Variants in CNTNAP2 observed in about 807,000 individuals in gnomAD.
The protein encoded by CNTNAP2 is contactin associated protein 2, also known as contactin-associated protein-like 2.
Under a neutral mutation model 155.2 loss-of-function variants are expected in CNTNAP2, and 98 were observed. The ratio of observed to expected loss-of-function variants is 0.63; its 90% CI spans 0.54 to 0.75. The LOEUF is 0.75. Among genes scored for constraint, CNTNAP2 ranks in the 30% least tolerant of loss-of-function variants. The probability of loss-of-function intolerance (pLI) is 0.00; values close to 1 mark genes in which losing one functional copy is unlikely to be tolerated. For missense variants in CNTNAP2, 1,727 were observed against 1,688.1 expected (o/e 1.02, Z -0.40); for synonymous variants, 651 against 631.2 (o/e 1.03, Z -0.47).
intron 13 of CNTNAP2, among the ~76,000 whole-genome samples, chr7:147,826,634 A>G (rs941510399): frequency 6.6e-6 from 1 of 152,208 alleles, no homozygotes; most frequent in African/African-American, 2.4e-5. Flanking sequence ...CTAATATTTT[A>G]TCAGAGATAT....
At chr7:148,066,575 G>T (rs1803268437) in intron 15 of CNTNAP2, among the ~76,000 whole-genome samples, 1 of 151,728 alleles carries the variant, frequency 6.6e-6, no homozygotes, top group African/African-American at 2.4e-5. Flanking sequence ...TCGGCTCACT[G>T]CAAGCTCCAC....
At chr7:146,517,278 C>G (rs1797555326) in intron 1 of CNTNAP2, among the ~76,000 whole-genome samples, 1 of 151,840 alleles carries the variant, frequency 6.6e-6, no homozygotes, top group Non-Finnish European at 1.5e-5. Flanking sequence ...GTATGTATCC[C>G]CCACAGATAA....
At position 147,089,565 on chromosome 7, in the gene CNTNAP2, C is replaced by T. The variant is rs768547479; in HGVS notation, c.551-18582C>T. Among the ~76,000 whole-genome samples the T allele has an allele frequency of 8.5e-5, 13 of 152,268 alleles. No homozygotes were observed. In the South Asian group the frequency reaches 2.5e-3, roughly 29 times the overall value. On this transcript the variant is annotated intron_variant, in intron 4 of 23. Coordinates refer to ENST00000361727, the MANE Select transcript of CNTNAP2 (RefSeq NM_014141.6). ...TTCTTCATTTTGAACTCCAGAGTCTCATCAACTTTAGTCATGAAATACAAA... is the reference window on the plus strand; with the variant it reads ...TTCTTCATTTTGAACTCCAGAGTCTTATCAACTTTAGTCATGAAATACAAA...
At chr7:146,127,698 T>C (rs1156893131) in intron 1 of CNTNAP2, among the ~76,000 whole-genome samples, 1 of 152,218 alleles carries the variant, frequency 6.6e-6, no homozygotes, top group Non-Finnish European at 1.5e-5. Flanking sequence ...ATCTGAAGAA[T>C]TATTTGTTAT....
At chr7:147,991,525 T>C (rs1343511598) in intron 15 of CNTNAP2, among the ~76,000 whole-genome samples, 1 of 152,190 alleles carries the variant, frequency 6.6e-6, no homozygotes, top group Non-Finnish European at 1.5e-5. Flanking sequence ...ATGAAAACTT[T>C]TATTCCTTTG....
intron 13 of CNTNAP2, among the ~76,000 whole-genome samples, chr7:147,644,047 C>T (rs1795327046): frequency 1.3e-5 from 2 of 152,076 alleles, no homozygotes; most frequent in African/African-American, 4.8e-5. Flanking sequence ...CGCAATGTAA[C>T]TGTTACTTCA....
intron 12 of CNTNAP2, among the ~76,000 whole-genome samples, chr7:147,629,442 T>G (rs1795045590): frequency 6.8e-6 from 1 of 146,408 alleles, no homozygotes; most frequent in African/African-American, 2.5e-5. Flanking sequence ...ATAATAATAA[T>G]AATAATAGAC....
chr7:148,312,492 G>C (rs547977134), intron 21 of CNTNAP2, among the ~76,000 whole-genome samples: 2 of 152,292 alleles, frequency 1.3e-5, no homozygotes, highest in Admixed American at 6.5e-5. Context: ...GCAAAGAGAG[G>C]CTGGGATGAA....
chr7:147,533,025 C>T (rs1799470327), intron 11 of CNTNAP2, among the ~76,000 whole-genome samples: 1 of 151,980 alleles, frequency 6.6e-6, no homozygotes, highest in African/African-American at 2.4e-5. Flanking sequence ...ATTTATTTCT[C>T]ATAAGAACTC....
rs181641800 is a variant in CNTNAP2, at chr7:148,069,436, G to A, written c.2384-48682G>A. On this transcript the variant is annotated intron_variant, in intron 15 of 23. Transcript: ENST00000361727. ...AAGAAATCCCAATAGACAACTTCTG[G>A]AGAAATGACAAGAGAGGGACATAAG... Among the ~76,000 whole-genome samples the A allele has an allele frequency of 7.9e-5, 12 of 152,142 alleles. No individual in the cohort carries two copies. In the East Asian group the frequency reaches 1.2e-3, roughly 15 times the overall value.
At chr7:147,322,008 T>A (rs1042255326) in intron 9 of CNTNAP2, among the ~76,000 whole-genome samples, 2 of 152,198 alleles carry the variant, frequency 1.3e-5, no homozygotes, top group Admixed American at 6.5e-5. Flanking sequence ...AATGCAGTGT[T>A]CCATGGAGTC....
chr7:147,041,635 T>A (rs771296079), intron 3 of CNTNAP2, among the ~76,000 whole-genome samples: 1 of 152,362 alleles, frequency 6.6e-6, no homozygotes, highest in Admixed American at 6.5e-5. Flanking sequence ...AGTTACGTAA[T>A]GCACTTCCAT....
chr7:147,796,768 G>A (rs533585164), intron 13 of CNTNAP2, among the ~76,000 whole-genome samples: 1 of 152,306 alleles, frequency 6.6e-6, no homozygotes, highest in African/African-American at 2.4e-5. Context: ...GGTGACTGGA[G>A]TCGAGACAAT....
At chr7:147,798,618 A>C (rs1334198058) in intron 13 of CNTNAP2, among the ~76,000 whole-genome samples, 4 of 152,224 alleles carry the variant, frequency 2.6e-5, no homozygotes. Context: ...TAGGAGTAAG[A>C]AAACCAAACC....
chr7:147,134,138 G>A (rs184796677), intron 8 of CNTNAP2, among the ~76,000 whole-genome samples: 4 of 152,018 alleles, frequency 2.6e-5, no homozygotes, highest in South Asian at 4.2e-4. Context: ...GAGCAAATCC[G>A]ATTTGCTGGT....
chr7:147,253,385 T>G (rs1478949055), intron 8 of CNTNAP2, among the ~76,000 whole-genome samples: 3 of 134,436 alleles, frequency 2.2e-5, no homozygotes, highest in East Asian at 2.0e-4. Context: ...GGTTCTCTGT[T>G]TTTTTTTTTT....
intron 3 of CNTNAP2, among the ~76,000 whole-genome samples, chr7:146,917,601 C>T (rs1354904846): frequency 6.6e-6 from 1 of 152,074 alleles, no homozygotes; most frequent in African/African-American, 2.4e-5. Flanking sequence ...GTGCCCCCAC[C>T]CACATCTCAT....
intron 1 of CNTNAP2, among the ~76,000 whole-genome samples, chr7:146,433,809 T>G (rs566706605): frequency 3.3e-5 from 5 of 152,128 alleles, no homozygotes; most frequent in Non-Finnish European, 4.4e-5. Context: ...CGTCATGATA[T>G]GTTGATTTGA....
chr7:148,318,676 T>C (rs1797733861), intron 21 of CNTNAP2, among the ~76,000 whole-genome samples: 1 of 152,208 alleles, frequency 6.6e-6, no homozygotes, highest in Non-Finnish European at 1.5e-5. Flanking sequence ...GGAACACTGT[T>C]AACCTTTGCA....
Sources: gnomAD v4.1 joint callset for allele counts (sites outside exome capture counted in the v4.1 genomes callset) on GRCh38, gnomAD v4.1.1 for gene constraint, MANE v1.5 for transcripts, NCBI Gene and HGNC (gene_info 2026-07-23, HGNC 2026-07-21) for gene names.